Variants in DNAAF5 observed in about 807,000 individuals in gnomAD.
DNAAF5 encodes the protein dynein axonemal assembly factor 5, also known as HEAT repeat containing 2.
A neutral mutation model predicts 75.8 loss-of-function variants in DNAAF5; 64 were observed. The ratio of observed to expected loss-of-function variants is 0.84; its 90% CI spans 0.69 to 1.04. DNAAF5 has a LOEUF of 1.04. DNAAF5 is among the 50% of genes least tolerant of loss of function. The probability of loss-of-function intolerance (pLI) is 0.00; values close to 1 mark genes in which losing one functional copy is unlikely to be tolerated. For synonymous variants in DNAAF5, 657 were observed against 557.2 expected (o/e 1.18, Z -2.52); for missense variants, 1,269 against 1,178.5 (o/e 1.08, Z -1.12).
At chr7:784,335 G>A (rs1026869337) in intron 12 of DNAAF5, among the ~76,000 whole-genome samples, 8 of 152,104 alleles carry the variant, frequency 5.3e-5, no homozygotes, top group Admixed American at 3.9e-4. Context: ...GCCTGGTGCC[G>A]AACCCTGGGC....
chr7:741,445 C>T lies in DNAAF5; in HGVS notation c.1004C>T (p.Pro335Leu), dbSNP rs757204139. 2 of 1,560,914 alleles carry T rather than the reference C, an allele frequency of 1.3e-6. No homozygotes were observed. Among genetic ancestry groups the T allele is most frequent in the East Asian group, 2.3e-5 (1 of 43,142 alleles). The change falls in exon 4 of 13, where the codon CCA becomes CTA. Residue 335 changes from proline to leucine, a missense_variant. Coordinates refer to ENST00000297440, the MANE Select transcript of DNAAF5 (RefSeq NM_017802.4). ...KDKLDFAPPT[P>L]PHYPPHERRP... ...AAGCTGGACTTTGCCCCTCCCACCC[C>T]ACCCCATTACCCTCCACATGGTGAG...
intron 12 of DNAAF5, among the ~76,000 whole-genome samples, chr7:781,610 C>T (rs1443778597): frequency 6.6e-6 from 1 of 152,232 alleles, no homozygotes; most frequent in Non-Finnish European, 1.5e-5. Context: ...CCCAGCGGTG[C>T]TCATTTACAT....
intron 6 of DNAAF5, among the ~76,000 whole-genome samples, chr7:760,783 G>A (rs1294915653): frequency 2.6e-5 from 4 of 152,226 alleles, no homozygotes; most frequent in Admixed American, 6.5e-5. Context: ...GGCTGGAGCC[G>A]GGAGGGGAAG....
intron 4 of DNAAF5, among the ~76,000 whole-genome samples, chr7:746,175 G>A (rs957030057): frequency 6.6e-6 from 1 of 152,052 alleles, no homozygotes; most frequent in African/African-American, 2.4e-5. Context: ...TCAGAAGTTT[G>A]CACTGGCCCT....
In DNAAF5 at chr7:774,112, G is replaced by T; in HGVS notation, c.1996G>T (p.Ala666Ser). 2 of 1,613,530 alleles carry T rather than the reference G, an allele frequency of 1.2e-6. No homozygotes were observed. The change falls in exon 10 of 13, where the codon GCG (alanine) becomes TCG (serine). Residue 666 changes from alanine to serine, a missense_variant. Ala to Ser is a moderately conservative substitution (Grantham distance 99). Transcript: ENST00000297440. The stretch of plus-strand genomic sequence containing the variant: ...CCTGGCCCCCAATCTGCAGTGGCAT[G>T]CGGGGAGGACAGCCGCGGCCATCCG... ...DILAPNLQWH[A>S]GRTAAAIRTA...
At chr7:750,223 G>A (rs941418710) in intron 4 of DNAAF5, among the ~76,000 whole-genome samples, 2 of 152,206 alleles carry the variant, frequency 1.3e-5, no homozygotes, top group South Asian at 4.1e-4. Flanking sequence ...CAGGTTCGTG[G>A]CCTAGGAGCC....
chr7:753,185 G>A (rs768820519), intron 4 of DNAAF5, among the ~76,000 whole-genome samples: 18 of 152,166 alleles, frequency 1.2e-4, no homozygotes, highest in African/African-American at 2.2e-4. Flanking sequence ...TATTTGTCCC[G>A]GCACAGTGAA....
chr7:760,536 G>A (rs563529771), intron 6 of DNAAF5, among the ~76,000 whole-genome samples: 2 of 152,204 alleles, frequency 1.3e-5, no homozygotes, highest in Admixed American at 6.5e-5. Context: ...TATGATCCCA[G>A]CACTTTGAGA....
chr7:746,703 AG>A (rs1248988816), intron 4 of DNAAF5, among the ~76,000 whole-genome samples: 2 of 110,710 alleles, frequency 1.8e-5, no homozygotes, highest in Non-Finnish European at 3.7e-5. Context: ...CACCCTGCCC[AG>A]GGTCTGTGAT....
intron 11 of DNAAF5, among the ~76,000 whole-genome samples, chr7:777,023 A>G (rs1254659265): frequency 6.6e-6 from 1 of 152,174 alleles, no homozygotes; most frequent in Non-Finnish European, 1.5e-5. Context: ...TTATGAAACT[A>G]ATGCCTGATG....
intron 12 of DNAAF5, among the ~76,000 whole-genome samples, chr7:784,494 G>A (rs1018169215): frequency 6.6e-6 from 1 of 152,134 alleles, no homozygotes; most frequent in African/African-American, 2.4e-5. Context: ...CCCAGCCACT[G>A]CAGCAACCTC....
chr7:749,194 C>G (rs1012220937), intron 4 of DNAAF5, among the ~76,000 whole-genome samples: 10 of 152,208 alleles, frequency 6.6e-5, no homozygotes, highest in African/African-American at 2.4e-4. Flanking sequence ...CCTTCTCACA[C>G]GGAAGCACAC....
At chr7:776,166 T>A (rs1325225138) in intron 11 of DNAAF5, among the ~76,000 whole-genome samples, 1 of 151,922 alleles carries the variant, frequency 6.6e-6, no homozygotes, top group Admixed American at 6.6e-5. Context: ...GGTGACCCTG[T>A]CTCTACTAAA....
chr7:769,079 G>A (rs1219452416), intron 8 of DNAAF5: 2 of 715,278 alleles, frequency 2.8e-6, no homozygotes, highest in East Asian at 5.2e-5. Context: ...AGAGCAGCGA[G>A]TACATTGCGT....
Position 727,061 on chromosome 7 carries a change from TGCCGCGCCTGCTGCCCGCGCTC to T in DNAAF5, c.349_370del (p.Leu117AlafsTer85), listed in dbSNP as rs912460897. On this transcript the variant is annotated frameshift_variant, in exon 1 of 13. Coordinates refer to ENST00000297440, the MANE Select transcript of DNAAF5 (RefSeq NM_017802.4). LOFTEE classifies it high-confidence loss of function. ...CGCGCCGCGCGGCCCCGCGATGCCC[TGCCGCGCCTGCTGCCCGCGCTC>T]GCCGCGCGCTTGGCCGGCCCCGTGC... The T allele has an allele frequency of 2.8e-6, 3 of 1,063,494 alleles. No individual in the cohort carries two copies. The highest frequency in any genetic ancestry group is 3.4e-6 in the Non-Finnish European group (3 of 882,960). 65.9% of individuals were successfully genotyped at this position (1,063,494 alleles called of 1,614,324 possible).
intron 2 of DNAAF5, among the ~76,000 whole-genome samples, chr7:740,614 G>A (rs947318979): frequency 1.2e-4 from 18 of 152,228 alleles, no homozygotes; most frequent in Admixed American, 4.6e-4. Context: ...GGAGCTGGCC[G>A]GGACCCAGGC....
Position 763,854 on chromosome 7 carries a change from T to G in DNAAF5, c.1663T>G (p.Cys555Gly), listed in dbSNP as rs1782739534. ...SLAMVEGVSSCQDLYRKHIGP... is the reference protein window; with the variant it reads ...SLAMVEGVSSGQDLYRKHIGP... ...GGCCATGGTGGAGGGTGTCAGCAGC[T>G]GCCAGGACCTCTACCGCAAGCACAT... The change falls in exon 8 of 13, where the codon TGC (cysteine) becomes GGC (glycine). Residue 555 changes from cysteine (C) to glycine (G), a missense_variant. Coordinates refer to ENST00000297440, the MANE Select transcript of DNAAF5 (RefSeq NM_017802.4). 6.2e-7 allele frequency: 1 copy of G among 1,613,358 alleles called. No homozygotes were observed. Among genetic ancestry groups the G allele is most frequent in the South Asian group, 1.1e-5 (1 of 91,096 alleles).
chr7:785,527 A>G lies in DNAAF5; in HGVS notation c.2442A>G (p.Lys814=). 2 of 1,613,762 alleles carry G rather than the reference A, an allele frequency of 1.2e-6. No individual in the cohort carries two copies. Among genetic ancestry groups the G allele is most frequent in the Non-Finnish European group, 1.7e-6 (2 of 1,179,926 alleles). Reference sequence around the variant, plus strand: ...TTTTCTGTTTTACAGAGGTCCTCAAAGAGGGCAGCGGGCTGTTCCCAGATC... The same window carrying G: ...TTTTCTGTTTTACAGAGGTCCTCAAGGAGGGCAGCGGGCTGTTCCCAGATC... ...AIQDAILEVL[K]EGSGLFPDLL... is the part of the protein sequence containing the mutation. Residue 814 remains lysine, a synonymous_variant, in exon 13 of 13, where the codon AAA becomes AAG. Coordinates refer to ENST00000297440, the MANE Select transcript of DNAAF5 (RefSeq NM_017802.4).
chr7:744,061 G>A (rs1350080834), intron 4 of DNAAF5, among the ~76,000 whole-genome samples: 1 of 151,804 alleles, frequency 6.6e-6, no homozygotes, highest in Non-Finnish European at 1.5e-5. Context: ...TTAGCATTAG[G>A]TATATCTCCT....
Sources: gnomAD v4.1 joint callset for allele counts (sites outside exome capture counted in the v4.1 genomes callset) on GRCh38, gnomAD v4.1.1 for gene constraint, MANE v1.5 for transcripts, NCBI Gene and HGNC (gene_info 2026-07-23, HGNC 2026-07-21) for gene names.